Variants in RP1 observed in about 807,000 individuals in gnomAD.
RP1 encodes the protein oxygen-regulated protein 1.
RP1 carries 16 observed loss-of-function variants against 14.8 expected under a neutral mutation model. The observed-to-expected ratio is 1.08, with a 90% CI of 0.73 to 1.65. The LOEUF (loss-of-function observed/expected upper bound fraction) is 1.65. RP1 is among the 40% of genes most tolerant of loss of function. RP1 has a pLI of 0.00. For synonymous variants in RP1, 876 were observed against 883.6 expected (o/e 0.99, Z 0.15); for missense variants, 2,631 against 2,535.0 (o/e 1.04, Z -0.81).
At chr8:54,741,433 C>T (rs1043952721) in intron 19 of RP1, among the ~76,000 whole-genome samples, 1 of 151,844 alleles carries the variant, frequency 6.6e-6, no homozygotes, top group African/African-American at 2.4e-5. Flanking sequence ...TTTGTAAATA[C>T]TTACCATTGT....
At chr8:54,590,422 G>T (rs1380491537) in intron 1 of RP1, among the ~76,000 whole-genome samples, 5 of 152,072 alleles carry the variant, frequency 3.3e-5, no homozygotes, top group African/African-American at 1.2e-4. Flanking sequence ...CCTCCCTCTT[G>T]CACAAGCAGT....
At chr8:54,605,214 G>A (rs1805401937) in intron 1 of RP1, among the ~76,000 whole-genome samples, 1 of 152,140 alleles carries the variant, frequency 6.6e-6, no homozygotes, top group Non-Finnish European at 1.5e-5. Flanking sequence ...CTTTGAATGT[G>A]TCCCAGAGAT....
intron 19 of RP1, chr8:54,739,162 G>A (rs1350335844): frequency 2.1e-6 from 1 of 481,492 alleles, no homozygotes; most frequent in African/African-American, 2.0e-5. Flanking sequence ...TTATGCCTCT[G>A]TAAACTCATG....
intron 14 of RP1, among the ~76,000 whole-genome samples, chr8:54,704,256 T>C (rs1196390130): frequency 1.3e-5 from 2 of 152,148 alleles, no homozygotes; most frequent in Non-Finnish European, 2.9e-5. Context: ...TTCCTTTCAT[T>C]TGAACACTTA....
chr8:54,819,729 T>C (rs1438796121), intron 24 of RP1, among the ~76,000 whole-genome samples: 1 of 152,128 alleles, frequency 6.6e-6, no homozygotes, highest in Admixed American at 6.5e-5. Flanking sequence ...TGCAAACTCA[T>C]GGAGGTACCA....
intron 6 of RP1, among the ~76,000 whole-genome samples, chr8:54,661,578 C>T (rs563210127): frequency 1.3e-5 from 2 of 152,024 alleles, no homozygotes; most frequent in African/African-American, 4.8e-5. Context: ...ACTTATAAAC[C>T]TTCTGCATGA....
chr8:54,570,641 T>G (rs1586389658), intron 1 of RP1, among the ~76,000 whole-genome samples: 2 of 151,596 alleles, frequency 1.3e-5, no homozygotes, highest in African/African-American at 4.8e-5. Context: ...GTAAACTTTT[T>G]TTTTTTTTTT....
intron 17 of RP1, among the ~76,000 whole-genome samples, chr8:54,727,753 C>T (rs1283259142): frequency 6.6e-6 from 1 of 151,736 alleles, no homozygotes; most frequent in Admixed American, 6.6e-5. Context: ...GGTCTCTACC[C>T]TCTTGAATTT....
chr8:54,631,314 G>C (rs186235217), downstream of RP1, among the ~76,000 whole-genome samples: 2 of 152,142 alleles, frequency 1.3e-5, no homozygotes, highest in Non-Finnish European at 2.9e-5. Flanking sequence ...CTTTCTTTTA[G>C]TGAAAATATG....
chr8:54,821,099 C>T (rs968556758), intron 24 of RP1, among the ~76,000 whole-genome samples: 1 of 151,766 alleles, frequency 6.6e-6, no homozygotes, highest in African/African-American at 2.4e-5. Flanking sequence ...AAATTACCTC[C>T]CAGAATGATA....
rs572741102 is a variant in RP1, at chr8:54,572,903, C to T, written c.-13+13583C>T. On this transcript the variant is annotated intron_variant, in intron 1 of 22. Coordinates refer to the RP1 transcript ENST00000636932. The stretch of plus-strand genomic sequence containing the variant: ...TAACCAATTTTCCAAAGAGTTATTT[C>T]TGTAAGTGTCTAATAACATATTTAA... 2.0e-5 allele frequency among the ~76,000 whole-genome samples: 3 copies of T among 152,296 alleles called. No individual in the cohort carries two copies. In the East Asian group the frequency reaches 5.8e-4, roughly 29 times the overall value.
chr8:54,777,839 T>C (rs1391781250), intron 23 of RP1, among the ~76,000 whole-genome samples: 1 of 152,120 alleles, frequency 6.6e-6, no homozygotes, highest in Admixed American at 6.5e-5. Context: ...AGGTCAATAT[T>C]GTTTCCATTA....
At chr8:54,807,351 A>G (rs989945030) in intron 24 of RP1, among the ~76,000 whole-genome samples, 22 of 152,202 alleles carry the variant, frequency 1.4e-4, no homozygotes, top group Non-Finnish European at 4.4e-5. Context: ...TTTTTTAGTT[A>G]GAAGAAATTA....
intron 15 of RP1, among the ~76,000 whole-genome samples, chr8:54,718,555 T>A (rs1808461728): frequency 6.6e-6 from 1 of 152,184 alleles, no homozygotes; most frequent in Admixed American, 6.5e-5. Context: ...AACATGTCCA[T>A]GAATGTTTGT....
chr8:54,676,538 A>G (rs2129334105), intron 8 of RP1, among the ~76,000 whole-genome samples: 1 of 152,320 alleles, frequency 6.6e-6, no homozygotes, highest in East Asian at 1.9e-4. Flanking sequence ...ATAAATGATT[A>G]CTGCTTTAAA....
chr8:54,657,058 T>C (rs1806771489), intron 6 of RP1, among the ~76,000 whole-genome samples: 1 of 152,116 alleles, frequency 6.6e-6, no homozygotes, highest in South Asian at 2.1e-4. Flanking sequence ...GTGATCACTT[T>C]TCTTAAGTTT....
chr8:54,859,379 C>T (rs1406075384), intron 27 of RP1, among the ~76,000 whole-genome samples: 3 of 150,090 alleles, frequency 2.0e-5, no homozygotes, highest in African/African-American at 7.4e-5. Flanking sequence ...GGAGCATTGT[C>T]ACTATGGAGT....
Position 54,791,168 on chromosome 8 carries a change from G to T in RP1, c.3615+7458G>T, listed in dbSNP as rs374297005. Among the ~76,000 whole-genome samples, 4 of 152,238 alleles carry T rather than the reference G, an allele frequency of 2.6e-5. No individual in the cohort carries two copies. In the East Asian group the frequency reaches 5.8e-4, roughly 22 times the overall value. ...ACTGTCAGTGGATTTCTAGCAGAAC[G>T]CTTGCAGGCTGGGAAAGAGTGGGAT... On this transcript the variant is annotated intron_variant, in intron 24 of 28. Transcript: ENST00000637698.
chr8:54,745,742 GA>G (rs1173214621), intron 19 of RP1, among the ~76,000 whole-genome samples: 1 of 150,510 alleles, frequency 6.6e-6, no homozygotes, highest in Non-Finnish European at 1.5e-5. Context: ...ATGTTTCAGT[GA>G]AAAAATGGTT....
Sources: gnomAD v4.1 joint callset for allele counts (sites outside exome capture counted in the v4.1 genomes callset) on GRCh38, gnomAD v4.1.1 for gene constraint, MANE v1.5 for transcripts, NCBI Gene and HGNC (gene_info 2026-07-23, HGNC 2026-07-21) for gene names.